The following NBEA variants were observed in gnomAD, a reference collection of about 807,000 sequenced individuals.
NBEA encodes neurobeachin.
NBEA carries 44 observed loss-of-function variants against 343.4 expected under a neutral mutation model. The observed-to-expected ratio is 0.13, with a 90% CI of 0.10 to 0.16. The LOEUF is 0.16. Among genes scored for constraint, NBEA ranks in the 10% least tolerant of loss-of-function variants. The pLI is 1.00. For synonymous variants in NBEA, 1,175 were observed against 1,238.7 expected, an observed-to-expected ratio of 0.95 and a Z score of 1.08; for missense variants, 2,555 against 3,631.3, an observed-to-expected ratio of 0.70 and a Z score of 7.62.
chr13:35,211,819 C>CAAAT (rs995610809), intron 33 of NBEA, among the ~76,000 whole-genome samples: 14 of 151,844 alleles, frequency 9.2e-5, no homozygotes, highest in Admixed American at 3.3e-4. Context: ...GACTGCATCT[C>CAAAT]AAATAAATAA....
At chr13:35,010,741 A>T (rs370543399) in intron 1 of NBEA, among the ~76,000 whole-genome samples, 101 of 31,812 alleles carry the variant, frequency 3.2e-3, no homozygotes, top group Admixed American at 0.01. Flanking sequence ...AAAAAAAAAA[A>T]ATATATATAT....
At chr13:34,984,626 A>G (rs1481798040) in intron 1 of NBEA, among the ~76,000 whole-genome samples, 1 of 151,096 alleles carries the variant, frequency 6.6e-6, no homozygotes, top group African/African-American at 2.4e-5. Flanking sequence ...TCTATAAATT[A>G]TCTTGGGCAG....
intron 41 of NBEA, among the ~76,000 whole-genome samples, chr13:35,484,590 T>TAA (rs71081256): frequency 1.5e-4 from 23 of 149,418 alleles, no homozygotes; most frequent in Non-Finnish European, 1.8e-4. Flanking sequence ...TGTGTTTAAA[T>TAA]AAAAAAAAAA....
intron 35 of NBEA, among the ~76,000 whole-genome samples, chr13:35,302,138 C>G (rs1223061626): frequency 6.6e-6 from 1 of 152,120 alleles, no homozygotes. Context: ...CTTTCAAATT[C>G]TCATTTTACT....
chr13:35,142,634 A>G (rs2068154301), intron 18 of NBEA, among the ~76,000 whole-genome samples: 1 of 152,274 alleles, frequency 6.6e-6, no homozygotes, highest in East Asian at 1.9e-4. Context: ...GGCTTCACAC[A>G]AAGTCTTTCT....
At chr13:35,539,687 C>T (rs9544584) in intron 41 of NBEA, among the ~76,000 whole-genome samples, 12,503 of 150,952 alleles carry the variant, frequency 0.083, 777 homozygotes, top group East Asian at 0.31. Context: ...GAGGCTGAGG[C>T]GGGCGGATCA....
At chr13:35,241,524 G>A (rs1024839525) in intron 34 of NBEA, among the ~76,000 whole-genome samples, 18 of 151,620 alleles carry the variant, frequency 1.2e-4, no homozygotes, top group Non-Finnish European at 5.9e-5. Flanking sequence ...AGATACAAAA[G>A]CGTAAAGTGT....
chr13:35,056,899 T>C (rs2063286891), intron 7 of NBEA, among the ~76,000 whole-genome samples: 1 of 152,058 alleles, frequency 6.6e-6, no homozygotes, highest in Non-Finnish European at 1.5e-5. Flanking sequence ...TGAAGGGAAA[T>C]TACAGAAGCG....
chr13:35,120,695 AC>A (rs1311679757), intron 16 of NBEA, among the ~76,000 whole-genome samples: 1 of 149,002 alleles, frequency 6.7e-6, no homozygotes, highest in Non-Finnish European at 1.5e-5. Context: ...TAATAACAGA[AC>A]ACTGAAGTAA....
rs1392866577 is a variant in NBEA at position 35,364,347 on chromosome 13, G to T, written c.6179+12024G>T. ...TAGTTTGAAGATGGGTTCTTCCAGG[G>T]CTGTGTCTTGCTGGGTGGGTTCACC... On this transcript the variant is annotated intron_variant, in intron 38 of 58. Coordinates refer to ENST00000379939, the MANE Select transcript of NBEA (RefSeq NM_001385012.1). Among the ~76,000 whole-genome samples the T allele has an allele frequency of 1.1e-4, 17 of 151,866 alleles. No individual in the cohort carries two copies. In the Admixed American group the frequency reaches 1.1e-3, roughly 10 times the overall value.
chr13:35,197,307 T>G (rs2072686198), intron 31 of NBEA, among the ~76,000 whole-genome samples: 1 of 152,196 alleles, frequency 6.6e-6, no homozygotes, highest in African/African-American at 2.4e-5. Flanking sequence ...ATGAGGTGAT[T>G]GACAAGCAAG....
intron 18 of NBEA, among the ~76,000 whole-genome samples, chr13:35,150,259 G>C (rs940617882): frequency 6.6e-6 from 1 of 152,166 alleles, no homozygotes; most frequent in Non-Finnish European, 1.5e-5. Flanking sequence ...GTTAATGTAA[G>C]TGTACAAAAT....
chr13:35,475,446 C>T, intron 41 of NBEA: 1 of 1,613,274 alleles, frequency 6.2e-7, no homozygotes, highest in Non-Finnish European at 8.5e-7. Flanking sequence ...CGAACTGCAG[C>T]ACCCAGGCGT....
At chr13:35,305,681 G>C (rs150933090) in intron 35 of NBEA, among the ~76,000 whole-genome samples, 1 of 152,272 alleles carries the variant, frequency 6.6e-6, no homozygotes, top group East Asian at 1.9e-4. Context: ...ATGATGTAGA[G>C]CAGAACACAG....
At chr13:35,641,680 G>A (rs2153073679) in intron 49 of NBEA, among the ~76,000 whole-genome samples, 1 of 152,056 alleles carries the variant, frequency 6.6e-6, no homozygotes, top group South Asian at 2.1e-4. Context: ...GCTAGATAGG[G>A]GGAATAATTG....
intron 1 of NBEA, among the ~76,000 whole-genome samples, chr13:34,976,652 TTG>T (rs1249480485): frequency 8.6e-5 from 13 of 150,578 alleles, no homozygotes; most frequent in African/African-American, 3.2e-4. Context: ...TCTTTGTTTT[TTG>T]TTTTTTTTTT....
intron 38 of NBEA, among the ~76,000 whole-genome samples, chr13:35,430,718 T>G (rs1244115717): frequency 6.6e-6 from 1 of 152,194 alleles, no homozygotes; most frequent in Non-Finnish European, 1.5e-5. Context: ...TTGGTGAATT[T>G]TGACTTAATT....
At chr13:34,955,692 A>C (rs1317331229) in intron 1 of NBEA, among the ~76,000 whole-genome samples, 1 of 152,188 alleles carries the variant, frequency 6.6e-6, no homozygotes, top group Non-Finnish European at 1.5e-5. Context: ...TTCTTTTTGT[A>C]GAAATCATTT....
rs554743877 is a variant in NBEA, at chr13:35,179,939, A to G, written c.4663-2421A>G. The G allele has an allele frequency of 1.1e-5, 3 of 281,454 alleles. No individual in the cohort carries two copies. The South Asian group carries it at 4.1e-4, about 38-fold the overall frequency. The allele number at this position is 281,454 out of a possible 1,614,324, so 17.4% of individuals were successfully genotyped here. ...ATGCATTTTAAACAGTTTGTAAGAC[A>G]AAGTATCTCTAGAAAAGCTATAACC... On this transcript the variant is annotated intron_variant, in intron 28 of 58. Transcript: ENST00000379939.
Sources: allele counts gnomAD v4.1 joint callset (sites outside exome capture counted in the v4.1 genomes callset), GRCh38; gene constraint gnomAD v4.1.1; transcripts MANE v1.5; gene names NCBI Gene and HGNC (gene_info 2026-07-23, HGNC 2026-07-21).